The following TBC1D2B variants were observed in gnomAD, a reference collection of about 807,000 sequenced individuals.
TBC1D2B encodes TBC1 domain family, member 2B.
A neutral mutation model predicts 100.8 loss-of-function variants in TBC1D2B; 64 were observed. The observed-to-expected ratio is 0.64, with a 90% CI of 0.52 to 0.78. The LOEUF is 0.78. Ranked by LOEUF, TBC1D2B falls within the 30% of genes least tolerant of loss-of-function variation. The pLI is 0.00. For missense variants in TBC1D2B, 1,052 were observed against 1,218.4 expected (o/e 0.86, Z 2.03); for synonymous variants, 480 against 479.7 (o/e 1.00, Z -0.01).
chr15:78,038,423 C>G (rs1381499333), intron 3 of TBC1D2B, among the ~76,000 whole-genome samples: 1 of 152,180 alleles, frequency 6.6e-6, no homozygotes, highest in African/African-American at 2.4e-5. Context: ...CAGCCTGAGG[C>G]AGGGCCTGTT....
chr15:78,031,622 T>TA (rs2072817406), intron 3 of TBC1D2B, among the ~76,000 whole-genome samples: 2 of 137,742 alleles, frequency 1.5e-5, no homozygotes, highest in Non-Finnish European at 3.1e-5. Flanking sequence ...AAAAATGCAG[T>TA]GGAAATATGA....
chr15:78,057,187 C>T (rs2141816328), intron 1 of TBC1D2B, among the ~76,000 whole-genome samples: 1 of 151,584 alleles, frequency 6.6e-6, no homozygotes, highest in South Asian at 2.1e-4. Flanking sequence ...ACCTCTGAGT[C>T]ATCTCTCACT....
chr15:78,022,177 G>A (rs2072532854), intron 6 of TBC1D2B, among the ~76,000 whole-genome samples: 1 of 152,138 alleles, frequency 6.6e-6, no homozygotes, highest in Non-Finnish European at 1.5e-5. Context: ...CAGGCAACAC[G>A]GCGAAACTCT....
At chr15:78,021,880 G>A (rs1295013149) in intron 6 of TBC1D2B, among the ~76,000 whole-genome samples, 1 of 152,188 alleles carries the variant, frequency 6.6e-6, no homozygotes, top group Non-Finnish European at 1.5e-5. Context: ...TCCGTTAGCT[G>A]TCTACAGAAG....
At chr15:78,063,967 C>T (rs1395526200) in intron 1 of TBC1D2B, among the ~76,000 whole-genome samples, 1 of 152,150 alleles carries the variant, frequency 6.6e-6, no homozygotes, top group Non-Finnish European at 1.5e-5. Flanking sequence ...AGTCTCTCCT[C>T]TCCAAACTCT....
Position 78,003,356 on chromosome 15 carries a change from A to G in TBC1D2B, c.2523T>C (p.Val841=). 1 of 1,613,950 alleles carries G rather than the reference A, an allele frequency of 6.2e-7. No homozygotes were observed. Among genetic ancestry groups the G allele is most frequent in the Non-Finnish European group, 8.5e-7 (1 of 1,179,884 alleles). The change falls in exon 11 of 13, where the codon GTT becomes GTC. Residue 841 remains valine, a synonymous_variant. Coordinates refer to ENST00000300584, the MANE Select transcript of TBC1D2B (RefSeq NM_144572.2). ...WFLVVFVDSV[V]SDILFKIWDS... Reference sequence around the variant, plus strand: ...CCCATATTTTAAAGAGGATGTCACTAACGACACTATCCACAAATACCACCA... The same window carrying G: ...CCCATATTTTAAAGAGGATGTCACTGACGACACTATCCACAAATACCACCA...
intron 1 of TBC1D2B, among the ~76,000 whole-genome samples, chr15:78,073,692 C>A (rs1274747319): frequency 1.3e-5 from 2 of 152,140 alleles, no homozygotes; most frequent in Non-Finnish European, 2.9e-5. Context: ...ACACGCCTGG[C>A]TGGGTGCGGT....
chr15:78,054,753 G>A (rs2073385905), intron 1 of TBC1D2B, among the ~76,000 whole-genome samples: 1 of 152,214 alleles, frequency 6.6e-6, no homozygotes, highest in Admixed American at 6.5e-5. Flanking sequence ...GCAACATGGT[G>A]CAGCTACTTT....
At chr15:78,059,125 G>C (rs1165530823) in intron 1 of TBC1D2B, among the ~76,000 whole-genome samples, 1 of 152,194 alleles carries the variant, frequency 6.6e-6, no homozygotes, top group Non-Finnish European at 1.5e-5. Flanking sequence ...CCTGATCTGG[G>C]TGTACATTTT....
chr15:78,030,091 C>T lies in TBC1D2B; in HGVS notation c.763G>A (p.Glu255Lys), dbSNP rs2072771466. 3 of 1,613,832 alleles carry T rather than the reference C, an allele frequency of 1.9e-6. No individual in the cohort carries two copies. Among genetic ancestry groups the T allele is most frequent in the Non-Finnish European group, 1.7e-6 (2 of 1,179,760 alleles). The change falls in exon 4 of 13, where the codon GAA (glutamate) becomes AAA (lysine). Residue 255 changes from glutamate (E) to lysine (K), a missense_variant. Glu to Lys is a moderately conservative substitution (Grantham distance 56). Transcript: ENST00000300584. ...RTVFYTNEEW[E>K]LLDPTPKDLE... ...TCCTTAGGGGTTGGGTCTAAAAGTT[C>T]CCACTCTTCATTGGTATAAAACACA...
intron 6 of TBC1D2B, among the ~76,000 whole-genome samples, chr15:78,019,419 G>C (rs181269698): frequency 1.3e-5 from 2 of 152,122 alleles, no homozygotes; most frequent in Non-Finnish European, 2.9e-5. Context: ...TGGGCTCTTA[G>C]CTCCATGGTC....
At chr15:78,028,855 G>A (rs62011479) in intron 4 of TBC1D2B, among the ~76,000 whole-genome samples, 8,253 of 152,244 alleles carry the variant, frequency 0.054, 284 homozygotes, top group Middle Eastern at 0.13. Context: ...ATGTGGCAAA[G>A]GAGGGGGAAG....
At chr15:78,047,067 A>C (rs74573820) in intron 2 of TBC1D2B, among the ~76,000 whole-genome samples, 1 of 152,160 alleles carries the variant, frequency 6.6e-6, no homozygotes, top group Non-Finnish European at 1.5e-5. Context: ...TCTGGCCAGG[A>C]GAGTCAATGC....
chr15:78,077,347 C>T lies in TBC1D2B; in HGVS notation c.306G>A (p.Thr102=), dbSNP rs912492228. Residue 102 remains threonine (T), a synonymous_variant, in exon 1 of 13, where the codon ACG becomes ACA. Transcript: ENST00000300584. Reference sequence around the variant, plus strand: ...GCACCTGGAAGTGCGCGGGCGGCTCCGTGCCCGGCTCCGCCGCCTCGTCGG... The same window carrying T: ...GCACCTGGAAGTGCGCGGGCGGCTCTGTGCCCGGCTCCGCCGCCTCGTCGG... The part of the protein sequence containing the change: ...QGPDEAAEPG[T]EPPAHFQVHS... 16 of 1,538,086 alleles carry T rather than the reference C, an allele frequency of 1.0e-5. No individual in the cohort carries two copies. In the African/African-American group the frequency reaches 1.8e-4, roughly 18 times the overall value.
At chr15:78,067,446 C>T (rs2073676529) in intron 1 of TBC1D2B, among the ~76,000 whole-genome samples, 2 of 152,340 alleles carry the variant, frequency 1.3e-5, no homozygotes, top group African/African-American at 4.8e-5. Flanking sequence ...AGCTGGCCAC[C>T]TTCTCTGCAA....
Position 78,025,549 on chromosome 15 carries a change from C to T in TBC1D2B, c.848-52G>A, listed in dbSNP as rs549591538. On this transcript the variant is annotated intron_variant, in intron 4 of 12. Coordinates refer to ENST00000300584, the MANE Select transcript of TBC1D2B (RefSeq NM_144572.2). Reference sequence around the variant, plus strand: ...ATTATTATTATTATTATTTTTGAGACGGAGTGTCGGTCTGTCGCCCAGGCT... The same window carrying T: ...ATTATTATTATTATTATTTTTGAGATGGAGTGTCGGTCTGTCGCCCAGGCT... The T allele has an allele frequency of 1.6e-5, 21 of 1,344,888 alleles. No individual in the cohort carries two copies. The African/African-American group carries it at 1.8e-4, about 11-fold the overall frequency. 83.3% of individuals were successfully genotyped at this position (1,344,888 alleles called of 1,614,324 possible). A position where few individuals can be genotyped will look rare whatever the true frequency, so the allele number is the denominator to read the frequency against.
At chr15:78,004,885 C>T (rs2072025177) in intron 10 of TBC1D2B, among the ~76,000 whole-genome samples, 1 of 152,168 alleles carries the variant, frequency 6.6e-6, no homozygotes, top group Admixed American at 6.5e-5. Flanking sequence ...TAAGTGGACC[C>T]ATGCAGTTCA....
intron 1 of TBC1D2B, among the ~76,000 whole-genome samples, chr15:78,068,808 C>G (rs2073701871): frequency 6.6e-6 from 1 of 152,262 alleles, no homozygotes; most frequent in Non-Finnish European, 1.5e-5. Flanking sequence ...CTAGTCACCA[C>G]TACCCAGTTT....
chr15:78,038,531 C>T (rs1485427035), intron 3 of TBC1D2B, among the ~76,000 whole-genome samples: 1 of 152,198 alleles, frequency 6.6e-6, no homozygotes, highest in African/African-American at 2.4e-5. Flanking sequence ...AGGCCATGTT[C>T]AGCAGCACAG....
Sources: gnomAD v4.1 joint callset for allele counts (sites outside exome capture counted in the v4.1 genomes callset) on GRCh38, gnomAD v4.1.1 for gene constraint, MANE v1.5 for transcripts, NCBI Gene and HGNC (gene_info 2026-07-23, HGNC 2026-07-21) for gene names.